Variants in ZNF620 observed in about 807,000 individuals in gnomAD.
ZNF620 encodes the protein zinc finger protein 620.
Under a neutral mutation model 13.3 loss-of-function variants are expected in ZNF620, and 10 were observed. The observed-to-expected ratio is 0.75, with a 90% confidence interval of 0.46 to 1.28. The LOEUF (loss-of-function observed/expected upper bound fraction) is 1.28. Among genes scored for constraint, ZNF620 ranks in the 50% most tolerant of loss-of-function variants. ZNF620 has a pLI of 0.00. For synonymous variants in ZNF620, 166 were observed against 177.6 expected, an observed-to-expected ratio of 0.93 and a Z score of 0.52; for missense variants, 461 against 500.2, an observed-to-expected ratio of 0.92 and a Z score of 0.75.
intron 1 of ZNF620, 58 bp from the exon 2 acceptor site, chr3:40,506,246 C>T (rs999010319): frequency 1.8e-5 from 26 of 1,426,848 alleles, no homozygotes; most frequent in Middle Eastern, 1.8e-4. Flanking sequence ...GCACAGAGGG[C>T]ATTTGCGGGG....
Position 40,516,632 on chromosome 3 carries a change from C to T in ZNF620, c.1038C>T (p.Ser346=). Residue 346 remains serine (S), a synonymous_variant, in exon 5 of 5, where the codon AGC becomes AGT. Transcript: ENST00000314529. ...YECKECGKRL[S]SNTALTQHQR... ...GTAAAGAGTGTGGAAAACGATTAAG[C>T]TCCAACACAGCCTTGACTCAGCATC... 6.2e-7 allele frequency: 1 copy of T among 1,613,522 alleles called. No individual in the cohort carries two copies. The highest frequency in any genetic ancestry group is 8.5e-7 in the Non-Finnish European group (1 of 1,179,696).
Position 40,517,343 on chromosome 3 carries a change from C to A in ZNF620, c.*480C>A, listed in dbSNP as rs1404716013. The stretch of plus-strand genomic sequence containing the variant: ...GGATCATGAGGTCAGGAGTTCGAGA[C>A]CAGCCCGCCCAATATGGTGAAACCC... On this transcript the variant is annotated 3_prime_UTR_variant, in exon 5 of 5. Transcript: ENST00000314529. 1 of 151,630 alleles carries A rather than the reference C, an allele frequency of 6.6e-6. No individual in the cohort carries two copies. Among genetic ancestry groups the A allele is most frequent in the Non-Finnish European group, 1.5e-5 (1 of 68,032 alleles). The allele number at this position is 151,630 out of a possible 1,614,324, so 9.4% of individuals were successfully genotyped here. A position where few individuals can be genotyped will look rare whatever the true frequency, so the allele number is the denominator to read the frequency against.
At position 40,517,771 on chromosome 3, in the gene ZNF620, C is replaced by T. The variant is rs1221994474; in HGVS notation, c.*908C>T. The T allele has an allele frequency of 6.6e-6, 1 of 152,122 alleles. No homozygotes were observed. Among genetic ancestry groups the T allele is most frequent in the East Asian group, 1.9e-4 (1 of 5,190 alleles). 9.4% of individuals were successfully genotyped at this position (152,122 alleles called of 1,614,324 possible). ...TGTGCAACACTACACAAGGAGTAAA[C>T]CAGTAAATAAAAAGACAGATATATG... On this transcript the variant is annotated 3_prime_UTR_variant, in exon 5 of 5. Transcript: ENST00000314529.
In ZNF620 at chr3:40,516,881, C is replaced by T; in HGVS notation, c.*18C>T. 1 of 1,557,542 alleles carries T rather than the reference C, an allele frequency of 6.4e-7. No individual in the cohort carries two copies. The highest frequency in any genetic ancestry group is 8.7e-7 in the Non-Finnish European group (1 of 1,152,032). Reference sequence around the variant, plus strand: ...AAGCATAGGGCTATCCATAGTTAGGCCCACTGTGCCTCTCCTTTTTTCTCT... The same window carrying T: ...AAGCATAGGGCTATCCATAGTTAGGTCCACTGTGCCTCTCCTTTTTTCTCT... On this transcript the variant is annotated 3_prime_UTR_variant, in exon 5 of 5. Transcript: ENST00000314529.
In ZNF620 at chr3:40,518,266, A is replaced by C. The variant is rs936108708; in HGVS notation, c.*1403A>C. 3 of 152,242 alleles carry C rather than the reference A, an allele frequency of 2.0e-5. No homozygotes were observed. Among genetic ancestry groups the C allele is most frequent in the Admixed American group, 6.5e-5 (1 of 15,284 alleles). 9.4% of individuals were successfully genotyped at this position (152,242 alleles called of 1,614,324 possible). Reference sequence around the variant, plus strand: ...AGTGATTAATAATACAGAGCCAGGCAGACTTTGGTTTGAGTCCAGGTGTTT... The same window carrying C: ...AGTGATTAATAATACAGAGCCAGGCCGACTTTGGTTTGAGTCCAGGTGTTT... On this transcript the variant is annotated 3_prime_UTR_variant, in exon 5 of 5. Transcript: ENST00000314529.
In ZNF620 at chr3:40,511,473, C is replaced by T. The variant is rs144627905; in HGVS notation, c.28C>T (p.Pro10Ser). Residue 10 changes from proline (P) to serine (S), a missense_variant, in exon 3 of 5, where the codon CCA (proline) becomes TCA (serine). Transcript: ENST00000314529. MFQTAWRQE[P>S]VTFEDVAVYF... ...GAGCAGGAACTTGTTGTTTTAGGAA[C>T]CAGTGACCTTTGAGGATGTGGCTGT... The T allele has an allele frequency of 1.1e-3, 1,721 of 1,612,936 alleles. 28 individuals carry two copies. Among genetic ancestry groups the T allele is most frequent in the Non-Finnish European group, 2.1e-4 (242 of 1,179,344 alleles).
At chr3:40,515,816 GT>G (rs754222728) in intron 4 of ZNF620, 43 bp from the exon 5 acceptor site, 60,020 of 1,304,396 alleles carry the variant, frequency 0.046, 1,260 homozygotes, top group East Asian at 0.14. Flanking sequence ...GTGTGTGTGT[GT>G]GTGATATCAG....
intron 2 of ZNF620, among the ~76,000 whole-genome samples, chr3:40,510,764 T>A (rs1055406737): frequency 6.6e-6 from 1 of 152,152 alleles, no homozygotes; most frequent in Admixed American, 6.6e-5. Flanking sequence ...CTCTCTTTTT[T>A]TTGAGACAGG....
intron 4 of ZNF620, among the ~76,000 whole-genome samples, chr3:40,515,117 T>C (rs1001646916): frequency 6.6e-6 from 1 of 152,252 alleles, no homozygotes; most frequent in Admixed American, 6.5e-5. Context: ...ATTAAACAAA[T>C]GCACAACCTA....
Position 40,515,951 on chromosome 3 carries a change from G to T in ZNF620, c.357G>T (p.Leu119=). The T allele has an allele frequency of 1.2e-6, 2 of 1,614,122 alleles. No individual in the cohort carries two copies. The highest frequency in any genetic ancestry group is 1.7e-6 in the Non-Finnish European group (2 of 1,180,018). ...CCTTCAGACTGATGGTGGGGGGCCTGCCAGGGAATGTTTCCCAGCACCTTG... is the reference window on the plus strand; with the variant it reads ...CCTTCAGACTGATGGTGGGGGGCCTTCCAGGGAATGTTTCCCAGCACCTTG... ...TESFRLMVGG[L]PGNVSQHLDF... The change falls in exon 5 of 5, where the codon CTG becomes CTT. Residue 119 remains leucine (L), a synonymous_variant. Transcript: ENST00000314529.
chr3:40,516,300 A>T lies in ZNF620; in HGVS notation c.706A>T (p.Asn236Tyr). 1.2e-6 allele frequency: 2 copies of T among 1,614,208 alleles called. No individual in the cohort carries two copies. Among genetic ancestry groups the T allele is most frequent in the Non-Finnish European group, 8.5e-7 (1 of 1,180,046 alleles). The change falls in exon 5 of 5, where the codon AAC becomes TAC. Residue 236 changes from asparagine (N) to tyrosine (Y), a missense_variant. By Grantham distance (143) the Asn-to-Tyr change is moderately radical. Transcript: ENST00000314529. ...AGAATGTGGAAAATACTTCAGATAT[A>T]ACTCATTACTTATTCGGCATCAGAT... ...CKECGKYFRY[N>Y]SLLIRHQIIH... is the part of the protein sequence containing the mutation.
chr3:40,506,488 C>T, intron 2 of ZNF620, 112 bp downstream of exon 2: 1 of 1,220,954 alleles, frequency 8.2e-7, no homozygotes, highest in Non-Finnish European at 1.2e-6. Context: ...CATTGTGCAT[C>T]TGTCACTATG....
In ZNF620 at chr3:40,506,255, G is replaced by A. The variant is rs1164483335; in HGVS notation, c.-49-49G>A. ...CAAGTAGCACAGAGGGCATTTGCGG[G>A]GTGCGAGGCAGCATCAATCTCACCG... On this transcript the variant is annotated intron_variant, in intron 1 of 4. Transcript: ENST00000314529. 3.3e-6 allele frequency: 5 copies of A among 1,497,280 alleles called. No homozygotes were observed. The African/African-American group carries it at 5.5e-5, about 16-fold the overall frequency. The allele number at this position is 1,497,280 out of a possible 1,614,324, so 92.7% of individuals were successfully genotyped here.
At chr3:40,513,945 T>A (rs976594835) in intron 4 of ZNF620, among the ~76,000 whole-genome samples, 5 of 152,066 alleles carry the variant, frequency 3.3e-5, no homozygotes, top group Non-Finnish European at 7.4e-5. Flanking sequence ...CTAGCGGTAA[T>A]GCCAGTGCCT....
chr3:40,509,335 G>A (rs1018382852), intron 2 of ZNF620, among the ~76,000 whole-genome samples: 4 of 151,726 alleles, frequency 2.6e-5, no homozygotes, highest in East Asian at 2.0e-4. Context: ...GGGTTCAAGC[G>A]ATTCTTGTGT....
rs1043210737 is a variant in ZNF620, at chr3:40,516,345, C to T, written c.751C>T (p.Pro251Ser). ...RHQIIHTGKK[P>S]FKCKECGKGL... The stretch of plus-strand genomic sequence containing the variant: ...TCAGATAATTCACACTGGAAAGAAA[C>T]CATTTAAATGTAAAGAATGTGGAAA... Residue 251 changes from proline (P) to serine (S), a missense_variant, in exon 5 of 5, where the codon CCA becomes TCA. Coordinates refer to ENST00000314529, the MANE Select transcript of ZNF620 (RefSeq NM_175888.4). 1.2e-6 allele frequency: 2 copies of T among 1,614,034 alleles called. No homozygotes were observed. Among genetic ancestry groups the T allele is most frequent in the South Asian group, 1.1e-5 (1 of 91,086 alleles).
At position 40,516,143 on chromosome 3, in the gene ZNF620, C is replaced by T; in HGVS notation, c.549C>T (p.Leu183=). The change falls in exon 5 of 5, where the codon CTC becomes CTT. Residue 183 remains leucine (L), a synonymous_variant. Coordinates refer to ENST00000314529, the MANE Select transcript of ZNF620 (RefSeq NM_175888.4). ...AAAATATTAGCGTCAGCACACAACT[C>T]ACTACAAATCAGACAAATCCTAGTG... ...LGKNISVSTQ[L]TTNQTNPSGQ... The T allele has an allele frequency of 6.2e-7, 1 of 1,614,042 alleles. No homozygotes were observed. Among genetic ancestry groups the T allele is most frequent in the Non-Finnish European group, 8.5e-7 (1 of 1,180,024 alleles).
intron 4 of ZNF620, among the ~76,000 whole-genome samples, chr3:40,515,611 G>A (rs1327472758): frequency 2.0e-5 from 3 of 152,120 alleles, no homozygotes; most frequent in Non-Finnish European, 4.4e-5. Context: ...CTGTTTATGG[G>A]AATGCCTCCT....
In ZNF620 at chr3:40,516,205, A is replaced by T; in HGVS notation, c.611A>T (p.Tyr204Phe). 1 of 1,614,124 alleles carries T rather than the reference A, an allele frequency of 6.2e-7. No individual in the cohort carries two copies. Among genetic ancestry groups the T allele is most frequent in the Non-Finnish European group, 8.5e-7 (1 of 1,180,038 alleles). ...TATGAATGTGGACAATGTGGCAGAT[A>T]TTTCATTCAAATGGCAGACTTCCAC... ...ISYECGQCGR[Y>F]FIQMADFHRH... Residue 204 changes from tyrosine to phenylalanine, a missense_variant, in exon 5 of 5, where the codon TAT (tyrosine) becomes TTT (phenylalanine). By Grantham distance (22) the Tyr-to-Phe change is conservative. Transcript: ENST00000314529.
Sources: gnomAD v4.1 joint callset for allele counts (sites outside exome capture counted in the v4.1 genomes callset) on GRCh38, gnomAD v4.1.1 for gene constraint, MANE v1.5 for transcripts, NCBI Gene and HGNC (gene_info 2026-07-23, HGNC 2026-07-21) for gene names.